The following CSMD1 variants were observed in gnomAD, a reference collection of about 807,000 sequenced individuals.
The protein encoded by CSMD1 is CUB and Sushi multiple domains 1, also known as CUB and sushi domain-containing protein 1.
A neutral mutation model predicts 417.5 loss-of-function variants in CSMD1; 213 were observed. The observed-to-expected ratio is 0.51, with a 90% CI of 0.46 to 0.57. The LOEUF is 0.57. Among genes scored for constraint, CSMD1 ranks in the 20% least tolerant of loss-of-function variants. The probability of loss-of-function intolerance (pLI) is 0.00; values close to 1 mark genes in which losing one functional copy is unlikely to be tolerated. For missense variants in CSMD1, 6,923 were observed against 4,529.7 expected (o/e 1.53, Z -15.17); for synonymous variants, 2,862 against 1,736.8 (o/e 1.65, Z -16.11).
intron 1 of CSMD1, among the ~76,000 whole-genome samples, chr8:4,640,179 G>A (rs1803106391): frequency 6.6e-6 from 1 of 152,198 alleles, no homozygotes; most frequent in Non-Finnish European, 1.5e-5. Flanking sequence ...TGAGTACAGT[G>A]CATGTTGCTG....
intron 5 of CSMD1, among the ~76,000 whole-genome samples, chr8:3,935,642 A>G (rs139281104): frequency 0.012 from 1,765 of 152,242 alleles, 32 homozygotes; most frequent in African/African-American, 0.04. Flanking sequence ...ATGTGTCCAT[A>G]TAAGTGGTAA....
At chr8:3,998,169 T>G in intron 4 of CSMD1, 59 bp from the exon 5 acceptor site, 2 of 1,429,260 alleles carry the variant, frequency 1.4e-6, no homozygotes, top group Non-Finnish European at 1.9e-6. Flanking sequence ...CATACACGAG[T>G]GTGTCCACCA....
At chr8:4,825,951 C>A (rs1028846463) in intron 1 of CSMD1, among the ~76,000 whole-genome samples, 1 of 152,012 alleles carries the variant, frequency 6.6e-6, no homozygotes, top group African/African-American at 2.4e-5. Flanking sequence ...CACCTTACAT[C>A]TTTGAGGATG....
At chr8:3,459,493 G>A (rs748989606) in intron 12 of CSMD1, among the ~76,000 whole-genome samples, 7 of 152,138 alleles carry the variant, frequency 4.6e-5, no homozygotes, top group Admixed American at 6.6e-5. Context: ...TGATCTCCAC[G>A]CATGCGGCAG....
At chr8:4,656,116 C>T (rs149661321) in intron 1 of CSMD1, among the ~76,000 whole-genome samples, 7 of 152,044 alleles carry the variant, frequency 4.6e-5, no homozygotes, top group Middle Eastern at 3.4e-3. Context: ...CAAAGTGTAT[C>T]GTGTGTGTCA....
chr8:4,401,916 T>C (rs531726406), intron 3 of CSMD1, among the ~76,000 whole-genome samples: 7 of 152,110 alleles, frequency 4.6e-5, no homozygotes, highest in South Asian at 2.1e-4. Context: ...GATCCTCTTA[T>C]TGAAGCCATC....
At chr8:3,561,033 C>T (rs556251534) in intron 10 of CSMD1, among the ~76,000 whole-genome samples, 1 of 152,134 alleles carries the variant, frequency 6.6e-6, no homozygotes, top group African/African-American at 2.4e-5. Context: ...TGAATACACA[C>T]ATGAAAAAAT....
At chr8:4,859,122 A>ACT (rs1801979983) in intron 1 of CSMD1, among the ~76,000 whole-genome samples, 1 of 152,164 alleles carries the variant, frequency 6.6e-6, no homozygotes, top group Non-Finnish European at 1.5e-5. Context: ...CATATCTGCA[A>ACT]CTATCTGATC....
chr8:4,264,178 T>C (rs76471164), intron 3 of CSMD1, among the ~76,000 whole-genome samples: 2,147 of 152,238 alleles, frequency 0.014, 60 homozygotes, highest in African/African-American at 0.049. Context: ...CAGAAGCTGT[T>C]ATGTGGTGAT....
chr8:3,995,426 C>G (rs1230520281), intron 5 of CSMD1, among the ~76,000 whole-genome samples: 1 of 152,212 alleles, frequency 6.6e-6, no homozygotes, highest in Non-Finnish European at 1.5e-5. Flanking sequence ...GCTTTTCCAT[C>G]TTTACCCCGA....
intron 3 of CSMD1, among the ~76,000 whole-genome samples, chr8:4,244,325 T>C (rs1478053677): frequency 1.3e-5 from 2 of 152,126 alleles, no homozygotes; most frequent in African/African-American, 2.4e-5. Context: ...GCCTGAAACT[T>C]TGCCTGGAGC....
intron 23 of CSMD1, among the ~76,000 whole-genome samples, chr8:3,318,015 G>T (rs911568683): frequency 6.6e-6 from 1 of 152,108 alleles, no homozygotes; most frequent in African/African-American, 2.4e-5. Context: ...TTCCCCGGCT[G>T]GGCTCAAAAC....
intron 1 of CSMD1, among the ~76,000 whole-genome samples, chr8:4,761,836 C>CATCCATCCATCTATCT (rs1554472546): frequency 2.1e-4 from 25 of 119,186 alleles, no homozygotes; most frequent in African/African-American, 8.3e-4. Context: ...TAGTACCATG[C>CATCCATCCATCTATCT]ATCTATCTAT....
chr8:4,152,347 C>T (rs552543688), intron 3 of CSMD1, among the ~76,000 whole-genome samples: 5 of 152,148 alleles, frequency 3.3e-5, no homozygotes, highest in Admixed American at 2.0e-4. Flanking sequence ...ATCAGGTAGA[C>T]ACGTAAGCAG....
chr8:3,451,089 C>T (rs571771715), intron 12 of CSMD1, among the ~76,000 whole-genome samples: 1 of 152,102 alleles, frequency 6.6e-6, no homozygotes, highest in Admixed American at 6.6e-5. Flanking sequence ...TTTTTCACGT[C>T]TCTTTTGGCT....
intron 1 of CSMD1, among the ~76,000 whole-genome samples, chr8:4,880,428 G>C (rs771306054): frequency 6.6e-6 from 1 of 152,076 alleles, no homozygotes; most frequent in African/African-American, 2.4e-5. Flanking sequence ...ACTCCTTACA[G>C]ATGTATGATG....
At chr8:3,213,878 G>A (rs1020970310) in intron 30 of CSMD1, among the ~76,000 whole-genome samples, 1 of 150,500 alleles carries the variant, frequency 6.6e-6, no homozygotes, top group African/African-American at 2.5e-5. Context: ...ATATATATGA[G>A]ATGGAGTCTT....
chr8:3,047,709 C>A (rs574377096), intron 50 of CSMD1, among the ~76,000 whole-genome samples: 1 of 152,328 alleles, frequency 6.6e-6, no homozygotes, highest in South Asian at 2.1e-4. Context: ...ATAATTTTCA[C>A]ATAGTTGGCT....
intron 5 of CSMD1, among the ~76,000 whole-genome samples, chr8:3,782,655 G>A (rs1296781332): frequency 2.0e-5 from 3 of 152,146 alleles, no homozygotes; most frequent in Admixed American, 1.3e-4. Flanking sequence ...TTTAAAAAAT[G>A]CTATATATTC....
Sources: allele counts gnomAD v4.1 joint callset (sites outside exome capture counted in the v4.1 genomes callset), GRCh38; gene constraint gnomAD v4.1.1; transcripts MANE v1.5; gene names NCBI Gene and HGNC (gene_info 2026-07-23, HGNC 2026-07-21).